SLCO1A2: variants seen among roughly 807,000 people sequenced by gnomAD.
The protein encoded by SLCO1A2 is solute carrier organic anion transporter family member 1A2.
A neutral mutation model predicts 69.0 loss-of-function variants in SLCO1A2; 67 were observed. That is an observed-to-expected ratio of 0.97 (90% CI 0.80 to 1.19). The LOEUF is 1.19. Among genes scored for constraint, SLCO1A2 ranks in the 50% most tolerant of loss-of-function variants. The pLI, the probability that SLCO1A2 is intolerant of heterozygous loss-of-function variation, is 0.00. For missense variants in SLCO1A2, 787 were observed against 793.7 expected (o/e 0.99, Z 0.10); for synonymous variants, 260 against 265.9 (o/e 0.98, Z 0.22).
intron 1 of SLCO1A2, among the ~76,000 whole-genome samples, chr12:21,406,351 G>GAAA (rs397686653): frequency 1.3e-5 from 2 of 151,924 alleles, no homozygotes; most frequent in Admixed American, 6.6e-5. Context: ...GTAGTTTGAA[G>GAAA]GACAGACAGA....
intron 2 of SLCO1A2, among the ~76,000 whole-genome samples, chr12:21,365,602 G>A (rs915459970): frequency 6.6e-6 from 1 of 152,114 alleles, no homozygotes; most frequent in African/African-American, 2.4e-5. Flanking sequence ...CCATCAGAGT[G>A]AACAGGCAAC....
rs1254306957 is a variant in SLCO1A2 at position 21,300,547 on chromosome 12, A to C, written c.711T>G (p.Thr237=). 4.3e-6 allele frequency: 7 copies of C among 1,612,174 alleles called. No homozygotes were observed. The highest frequency in any genetic ancestry group is 1.3e-5 in the African/African-American group (1 of 74,868). Residue 237 remains threonine (T), a synonymous_variant, in exon 8 of 15, where the codon ACT becomes ACG. Coordinates refer to ENST00000683939, the MANE Select transcript of SLCO1A2 (RefSeq NM_001386879.1). ...ACCATGCACCGACCCAACGAGTGTC[A>C]GTGGGAGTTATGATCAGATCATCTG... ...VNTDDLIITP[T]DTRWVGAWWF...
chr12:21,358,108 T>C (rs921290337), intron 2 of SLCO1A2, among the ~76,000 whole-genome samples: 3 of 152,152 alleles, frequency 2.0e-5, no homozygotes, highest in African/African-American at 7.2e-5. Context: ...AGTGTTGGAA[T>C]AGGCATTTTT....
At chr12:21,342,575 T>A (rs1467947082) in intron 2 of SLCO1A2, among the ~76,000 whole-genome samples, 1 of 151,968 alleles carries the variant, frequency 6.6e-6, no homozygotes, top group Admixed American at 6.6e-5. Flanking sequence ...CAGGCCACGC[T>A]TTTTCTCTCA....
At chr12:21,276,570 G>C (rs112346601) in intron 12 of SLCO1A2, among the ~76,000 whole-genome samples, 4,203 of 147,520 alleles carry the variant, frequency 0.028, 70 homozygotes, top group Middle Eastern at 0.051. Context: ...AAAAACCTTT[G>C]TAAGAATGAA....
At position 21,314,712 on chromosome 12, in the gene SLCO1A2, A is replaced by G. The variant is rs141140563; in HGVS notation, c.203-31T>C. 478 of 1,521,300 alleles carry G rather than the reference A, an allele frequency of 3.1e-4. 2 individuals are homozygous for G. The African/African-American group carries it at 5.9e-3, about 19-fold the overall frequency. The allele number at this position is 1,521,300 out of a possible 1,614,324, so 94.2% of individuals were successfully genotyped here. ...AAAAAATTGAGAATAATCATTTTAA[A>G]AAGTATGAACAAAGTCTTAATTAAG... On this transcript the variant is annotated intron_variant, in intron 3 of 14. Coordinates refer to ENST00000683939, the MANE Select transcript of SLCO1A2 (RefSeq NM_001386879.1).
chr12:21,334,246 T>C (rs1166544087), intron 2 of SLCO1A2, among the ~76,000 whole-genome samples: 1 of 152,040 alleles, frequency 6.6e-6, no homozygotes, highest in Non-Finnish European at 1.5e-5. Context: ...GGAGAGTGAC[T>C]CCCACATTTC....
At chr12:21,290,098 T>C (rs1315489957) in intron 12 of SLCO1A2, among the ~76,000 whole-genome samples, 1 of 151,976 alleles carries the variant, frequency 6.6e-6, no homozygotes, top group African/African-American at 2.4e-5. Context: ...TATATATGTA[T>C]ATATGTGCAT....
At chr12:21,410,788 T>C (rs778032830) in intron 1 of SLCO1A2, among the ~76,000 whole-genome samples, 3 of 152,224 alleles carry the variant, frequency 2.0e-5, no homozygotes, top group Non-Finnish European at 4.4e-5. Context: ...TGGTTAGGTA[T>C]AAAATTACAT....
intron 14 of SLCO1A2, chr12:21,274,196 T>C (rs1591772037): frequency 3.2e-6 from 1 of 313,852 alleles, no homozygotes; most frequent in African/African-American, 2.1e-5. Flanking sequence ...ACCTTCAATA[T>C]TGTGTTGACT....
Position 21,414,680 on chromosome 12 carries a change from A to G in SLCO1A2, c.-312+3202T>C, listed in dbSNP as rs147141853. Reference sequence around the variant, plus strand: ...TATACCTGTCTATCACATCAAGTTCATTGCATGTATTGTTTAGATATTTTA... The same window carrying G: ...TATACCTGTCTATCACATCAAGTTCGTTGCATGTATTGTTTAGATATTTTA... On this transcript the variant is annotated intron_variant, in intron 1 of 4. Coordinates refer to the SLCO1A2 transcript ENST00000413682. Among the ~76,000 whole-genome samples the G allele has an allele frequency of 1.9e-3, 286 of 152,232 alleles. 1 individual carries two copies. Among genetic ancestry groups the G allele is most frequent in the African/African-American group, 6.6e-3 (274 of 41,536 alleles).
At chr12:21,366,746 A>T (rs79191581) in intron 2 of SLCO1A2, among the ~76,000 whole-genome samples, 9,842 of 151,996 alleles carry the variant, frequency 0.065, 348 homozygotes, top group Middle Eastern at 0.14. Flanking sequence ...AAGATTCAGA[A>T]AGCAAGATCT....
At chr12:21,390,065 C>T (rs779852733) in intron 1 of SLCO1A2, among the ~76,000 whole-genome samples, 5 of 151,796 alleles carry the variant, frequency 3.3e-5, no homozygotes, top group Non-Finnish European at 7.4e-5. Context: ...TACTGTTACG[C>T]TAGATCACCA....
At chr12:21,321,925 T>C (rs766023606) in intron 2 of SLCO1A2, among the ~76,000 whole-genome samples, 1 of 152,180 alleles carries the variant, frequency 6.6e-6, no homozygotes, top group Non-Finnish European at 1.5e-5. Context: ...TCCTCTCTCA[T>C]TATTCTGAGA....
chr12:21,332,324 T>C (rs762000219), intron 2 of SLCO1A2, among the ~76,000 whole-genome samples: 2 of 152,168 alleles, frequency 1.3e-5, no homozygotes, highest in Non-Finnish European at 2.9e-5. Flanking sequence ...GGAAGAGTTA[T>C]TATCAATAAT....
exon 1 of SLCO1A2, chr12:21,395,148 G>A (rs1404368941): frequency 1.9e-5 from 3 of 155,296 alleles, no homozygotes; most frequent in African/African-American, 4.8e-5. Context: ...GACAATGGGC[G>A]CAGGTCAGTG....
upstream of SLCO1A2, among the ~76,000 whole-genome samples, chr12:21,399,947 A>G (rs1407766866): frequency 1.3e-5 from 2 of 152,034 alleles, no homozygotes; most frequent in African/African-American, 4.8e-5. Flanking sequence ...AGGCATTACC[A>G]TTCAGGACAT....
At chr12:21,316,780 G>A (rs780331515) in intron 3 of SLCO1A2, among the ~76,000 whole-genome samples, 7 of 152,028 alleles carry the variant, frequency 4.6e-5, no homozygotes, top group Non-Finnish European at 8.8e-5. Flanking sequence ...TTTAGCAAAC[G>A]CCTACTTACT....
intron 2 of SLCO1A2, among the ~76,000 whole-genome samples, chr12:21,324,005 A>G (rs1382071610): frequency 6.6e-6 from 1 of 152,194 alleles, no homozygotes; most frequent in Non-Finnish European, 1.5e-5. Flanking sequence ...AGAGATTTGC[A>G]TCTCTAGTCT....
Sources: gnomAD v4.1 joint callset for allele counts (sites outside exome capture counted in the v4.1 genomes callset) on GRCh38, gnomAD v4.1.1 for gene constraint, MANE v1.5 for transcripts, NCBI Gene and HGNC (gene_info 2026-07-23, HGNC 2026-07-21) for gene names.